Variants in KCND2 observed in about 807,000 individuals in gnomAD.
KCND2 encodes the protein A-type voltage-gated potassium channel KCND2.
KCND2 carries 16 observed loss-of-function variants against 54.4 expected under a neutral mutation model. That is an observed-to-expected ratio of 0.29 (90% CI 0.20 to 0.45). KCND2 has a LOEUF of 0.45. Ranked by LOEUF, KCND2 falls within the 20% of genes least tolerant of loss-of-function variation. The pLI is 1.00. For synonymous variants in KCND2, 317 were observed against 310.7 expected (o/e 1.02, Z -0.21); for missense variants, 486 against 824.2 (o/e 0.59, Z 5.02).
intron 1 of KCND2, among the ~76,000 whole-genome samples, chr7:120,458,405 A>G (rs1802233794): frequency 6.6e-6 from 1 of 152,234 alleles, no homozygotes; most frequent in African/African-American, 2.4e-5. Context: ...GAGAGTTGTC[A>G]CAACTAGAAA....
chr7:120,357,316 A>G lies in KCND2; in HGVS notation c.1115+81569A>G, dbSNP rs576433840. Among the ~76,000 whole-genome samples the G allele has an allele frequency of 5.9e-5, 9 of 152,260 alleles. No homozygotes were observed. In the East Asian group the frequency reaches 1.7e-3, roughly 29 times the overall value. On this transcript the variant is annotated intron_variant, in intron 1 of 5. Transcript: ENST00000331113. ...ACTAATTGAAGGAGCCAGGATTCAA[A>G]TTCAGGATTTTATGACTCCCAAGTC... is the stretch of plus-strand genomic sequence containing the variant.
chr7:120,443,234 G>A (rs1329505715), intron 1 of KCND2, among the ~76,000 whole-genome samples: 2 of 151,968 alleles, frequency 1.3e-5, no homozygotes, highest in Non-Finnish European at 2.9e-5. Context: ...GAGTGAGATA[G>A]AAGAATAAAT....
chr7:120,438,120 G>A (rs1563046086), intron 1 of KCND2, among the ~76,000 whole-genome samples: 2 of 152,170 alleles, frequency 1.3e-5, no homozygotes, highest in Non-Finnish European at 2.9e-5. Flanking sequence ...GAGAGGACCA[G>A]CCCATATCAC....
chr7:120,624,759 T>C (rs1170809058), intron 1 of KCND2, among the ~76,000 whole-genome samples: 1 of 148,696 alleles, frequency 6.7e-6, no homozygotes, highest in African/African-American at 2.5e-5. Context: ...CCAGTCTGAG[T>C]GATAAACTGA....
At chr7:120,403,268 G>A (rs1563034840) in intron 1 of KCND2, among the ~76,000 whole-genome samples, 1 of 151,750 alleles carries the variant, frequency 6.6e-6, no homozygotes, top group Non-Finnish European at 1.5e-5. Context: ...AGAGATGGCA[G>A]CTACAGATTG....
chr7:120,650,349 G>A lies in KCND2; in HGVS notation c.1116-82554G>A, dbSNP rs187461089. Among the ~76,000 whole-genome samples, 10 of 142,046 alleles carry A rather than the reference G, an allele frequency of 7.0e-5. 1 individual carries two copies. The highest frequency in any genetic ancestry group is 1.1e-4 in the Non-Finnish European group (7 of 65,654). The allele number at this position is 142,046 out of a possible 152,430, so 93.2% of individuals were successfully genotyped here. A position where few individuals can be genotyped will look rare whatever the true frequency, so the allele number is the denominator to read the frequency against. ...CTTTTTTCTCTAAACTTCTGTTCTC[G>A]CTTCATTTCATTCATTTGATCTTCA... On this transcript the variant is annotated intron_variant, in intron 1 of 5. Transcript: ENST00000331113.
chr7:120,428,509 A>G (rs1369126331), intron 1 of KCND2, among the ~76,000 whole-genome samples: 1 of 152,218 alleles, frequency 6.6e-6, no homozygotes, highest in African/African-American at 2.4e-5. Context: ...ATCATATTTA[A>G]GACACTGGAT....
In KCND2 at chr7:120,275,095, G is replaced by A. The variant is rs1799154935; in HGVS notation, c.463G>A (p.Asp155Asn). Residue 155 changes from aspartate to asparagine, a missense_variant, in exon 1 of 6, where the codon GAC becomes AAC. Asp to Asn is a conservative substitution (Grantham distance 23). Around this residue, in one of 7 missense-constraint regions of KCND2, gnomAD observed 231 missense variants for 386.0 expected, o/e 0.60. Transcript: ENST00000331113. Reference protein sequence around the residue: ...AERLQDDADTDTAGESALPTM... With the variant: ...AERLQDDADTNTAGESALPTM... ...GCGCCTGCAGGACGACGCGGATACC[G>A]ACACCGCTGGGGAGAGCGCCTTGCC... 1 of 1,613,698 alleles carries A rather than the reference G, an allele frequency of 6.2e-7. No individual in the cohort carries two copies. Among genetic ancestry groups the A allele is most frequent in the Non-Finnish European group, 8.5e-7 (1 of 1,179,950 alleles).
intron 1 of KCND2, among the ~76,000 whole-genome samples, chr7:120,444,432 T>G (rs569005531): frequency 6.6e-5 from 10 of 152,170 alleles, no homozygotes; most frequent in Admixed American, 1.3e-4. Context: ...TAGATTTGTC[T>G]TTTTCTTTCC....
At chr7:120,703,280 A>G (rs1314681418) in intron 1 of KCND2, among the ~76,000 whole-genome samples, 1 of 152,148 alleles carries the variant, frequency 6.6e-6, no homozygotes, top group Non-Finnish European at 1.5e-5. Context: ...TTCATCAGCA[A>G]TTTCCTTTGG....
At chr7:120,715,237 T>C (rs1422384910) in intron 1 of KCND2, among the ~76,000 whole-genome samples, 1 of 152,066 alleles carries the variant, frequency 6.6e-6, no homozygotes, top group East Asian at 1.9e-4. Flanking sequence ...CTTTTTCTTT[T>C]TAGAAATGTT....
At chr7:120,314,617 C>T (rs1027246580) in intron 1 of KCND2, among the ~76,000 whole-genome samples, 3 of 152,068 alleles carry the variant, frequency 2.0e-5, no homozygotes, top group Non-Finnish European at 4.4e-5. Flanking sequence ...ATTCATACAG[C>T]TAATATATGT....
rs115870382 is a variant in KCND2, at chr7:120,302,068, A to G, written c.1115+26321A>G. Among the ~76,000 whole-genome samples, 1,349 of 152,348 alleles carry G rather than the reference A, an allele frequency of 8.9e-3. 18 individuals are homozygous for G. The highest frequency in any genetic ancestry group is 0.03 in the African/African-American group (1,264 of 41,590). ...ATGTTACTGTGAGATCCTATCATCTACATTATATATTTACATGTACATCAT... is the reference window on the plus strand; with the variant it reads ...ATGTTACTGTGAGATCCTATCATCTGCATTATATATTTACATGTACATCAT... On this transcript the variant is annotated intron_variant, in intron 1 of 5. Coordinates refer to ENST00000331113, the MANE Select transcript of KCND2 (RefSeq NM_012281.3).
chr7:120,670,083 A>C (rs1413418816), intron 1 of KCND2, among the ~76,000 whole-genome samples: 1 of 152,072 alleles, frequency 6.6e-6, no homozygotes, highest in African/African-American at 2.4e-5. Context: ...GGTGAACTAA[A>C]ATCTCAGAAA....
At chr7:120,433,264 A>G (rs1801820217) in intron 1 of KCND2, among the ~76,000 whole-genome samples, 1 of 152,202 alleles carries the variant, frequency 6.6e-6, no homozygotes, top group South Asian at 2.1e-4. Flanking sequence ...CACGTCCCCT[A>G]GCTGTATGAA....
chr7:120,588,815 AT>A (rs1792633841), intron 1 of KCND2, among the ~76,000 whole-genome samples: 1 of 152,076 alleles, frequency 6.6e-6, no homozygotes, highest in Non-Finnish European at 1.5e-5. Flanking sequence ...ATATTTTTAA[AT>A]TTTCCTTATC....
intron 1 of KCND2, among the ~76,000 whole-genome samples, chr7:120,703,836 T>G (rs1792433381): frequency 1.3e-5 from 2 of 152,166 alleles, no homozygotes; most frequent in African/African-American, 4.8e-5. Context: ...CAAAGCCAGA[T>G]GAAAACCAAA....
At chr7:120,659,733 C>T (rs1187352081) in intron 1 of KCND2, among the ~76,000 whole-genome samples, 3 of 152,132 alleles carry the variant, frequency 2.0e-5, no homozygotes, top group Admixed American at 6.6e-5. Context: ...AGGAACCCCA[C>T]GTATAACAAA....
At chr7:120,482,338 A>G (rs1488364556) in intron 1 of KCND2, among the ~76,000 whole-genome samples, 1 of 152,084 alleles carries the variant, frequency 6.6e-6, no homozygotes, top group Non-Finnish European at 1.5e-5. Context: ...TCTCACCCAT[A>G]TCTTACTTAG....
Sources: gnomAD v4.1 joint callset for allele counts (sites outside exome capture counted in the v4.1 genomes callset) on GRCh38, gnomAD v4.1.1 for gene constraint, gnomAD v4.1.1 regional missense constraint, MANE v1.5 for transcripts, NCBI Gene and HGNC (gene_info 2026-07-23, HGNC 2026-07-21) for gene names.